Variants in CAPN9 observed in about 807,000 individuals in gnomAD.
CAPN9 encodes calpain 9.
A neutral mutation model predicts 92.8 loss-of-function variants in CAPN9; 81 were observed. The ratio of observed to expected loss-of-function variants is 0.87; its 90% CI spans 0.73 to 1.05. The LOEUF (loss-of-function observed/expected upper bound fraction) is 1.05, where lower values mean the gene tolerates loss of function less well. CAPN9 is among the 50% of genes least tolerant of loss of function. The pLI is 0.00. For synonymous variants in CAPN9, 304 were observed against 328.0 expected, an observed-to-expected ratio of 0.93 and a Z score of 0.79; for missense variants, 848 against 866.2, an observed-to-expected ratio of 0.98 and a Z score of 0.26.
intron 19 of CAPN9, among the ~76,000 whole-genome samples, chr1:230,800,262 GA>G (rs1192363942): frequency 1.6e-5 from 2 of 124,132 alleles, no homozygotes; most frequent in African/African-American, 3.1e-5. Context: ...AAGAAAGAAA[GA>G]AAGAAAGAAA....
intron 17 of CAPN9, 22 bp from the exon 18 acceptor site, chr1:230,795,141 G>A (rs1253977163): frequency 6.6e-7 from 1 of 1,506,652 alleles, no homozygotes; most frequent in East Asian, 2.3e-5. Context: ...CGAGTCCTGG[G>A]TCTCCTCCTT....
At chr1:230,777,109 C>A (rs3790980) in intron 8 of CAPN9, 8,420 of 152,266 alleles carry the variant, frequency 0.055, 274 homozygotes, top group South Asian at 0.13. Flanking sequence ...GGAATTAGTA[C>A]CATCACAGTA....
At chr1:230,772,673 T>C (rs1224920185) in intron 7 of CAPN9, among the ~76,000 whole-genome samples, 1 of 151,098 alleles carries the variant, frequency 6.6e-6, no homozygotes, top group South Asian at 2.1e-4. Context: ...GTATGAGAGA[T>C]TGAGGCTGCA....
intron 17 of CAPN9, among the ~76,000 whole-genome samples, chr1:230,794,130 G>A (rs1010203372): frequency 6.6e-6 from 1 of 152,166 alleles, no homozygotes; most frequent in Non-Finnish European, 1.5e-5. Flanking sequence ...CTCCTAGAAA[G>A]TGAACATGTA....
intron 6 of CAPN9, among the ~76,000 whole-genome samples, chr1:230,770,882 AG>A (rs1421710284): frequency 5.3e-5 from 8 of 152,186 alleles, no homozygotes; most frequent in African/African-American, 1.9e-4. Context: ...AGAACACTGA[AG>A]GGAGACCCTG....
chr1:230,792,292 C>T lies in CAPN9; in HGVS notation c.1723-134C>T, dbSNP rs566395395. 134 of 709,794 alleles carry T rather than the reference C, an allele frequency of 1.9e-4. No homozygotes were observed. In the African/African-American group the frequency reaches 2.3e-3, roughly 12 times the overall value. 44.0% of individuals were successfully genotyped at this position (709,794 alleles called of 1,614,324 possible). A position where few individuals can be genotyped will look rare whatever the true frequency, so the allele number is the denominator to read the frequency against. On this transcript the variant is annotated intron_variant, in intron 15 of 19. Transcript: ENST00000271971. Reference sequence around the variant, plus strand: ...ATTTGTGGTTTAATCATTAAAACCACTTCCCCAGGGCCCCAAACCTGTGCA... The same window carrying T: ...ATTTGTGGTTTAATCATTAAAACCATTTCCCCAGGGCCCCAAACCTGTGCA...
chr1:230,801,802 C>A lies in CAPN9; in HGVS notation c.*206C>A. 1 of 595,852 alleles carries A rather than the reference C, an allele frequency of 1.7e-6. No individual in the cohort carries two copies. The highest frequency in any genetic ancestry group is 3.0e-6 in the Non-Finnish European group (1 of 332,418). The allele number at this position is 595,852 out of a possible 1,614,324, so 36.9% of individuals were successfully genotyped here. A position where few individuals can be genotyped will look rare whatever the true frequency, so the allele number is the denominator to read the frequency against. On this transcript the variant is annotated 3_prime_UTR_variant, in exon 20 of 20. Coordinates refer to ENST00000271971, the MANE Select transcript of CAPN9 (RefSeq NM_006615.3). ...GTGCTACTCCTTTGTAAAGTCACTG[C>A]CTTAAGGGGGCTGATGGCGCCACCT... is the stretch of plus-strand genomic sequence containing the variant.
At chr1:230,795,996 T>C (rs1668327767) in intron 18 of CAPN9, among the ~76,000 whole-genome samples, 1 of 150,058 alleles carries the variant, frequency 6.7e-6, no homozygotes, top group Non-Finnish European at 1.5e-5. Context: ...TAATCTATGT[T>C]CCATAGGCCA....
intron 19 of CAPN9, 87 bp downstream of exon 19, chr1:230,798,307 T>C (rs1367701995): frequency 2.4e-6 from 2 of 844,988 alleles, no homozygotes; most frequent in Non-Finnish European, 4.0e-6. Context: ...AATGCTTGAT[T>C]TCATGCAAGG....
intron 5 of CAPN9, among the ~76,000 whole-genome samples, chr1:230,768,010 T>TAATAAATA (rs71563451): frequency 1.5e-4 from 21 of 139,648 alleles, no homozygotes; most frequent in South Asian, 2.3e-4. Context: ...ACTTAAAGTA[T>TAATAAATA]AATAAATAAA....
chr1:230,786,241 A>G (rs988815307), intron 12 of CAPN9: 1 of 853,968 alleles, frequency 1.2e-6, no homozygotes, highest in Non-Finnish European at 1.4e-6. Flanking sequence ...GGTGCTTGGT[A>G]TAAAGTTCTG....
chr1:230,772,183 G>A, intron 7 of CAPN9, 84 bp downstream of exon 7: 1 of 1,113,716 alleles, frequency 9.0e-7, no homozygotes, highest in Admixed American at 1.7e-5. Context: ...TGAAGGAGTG[G>A]CCTGTCTACT....
At chr1:230,756,659 A>T (rs1011846549) in intron 2 of CAPN9, among the ~76,000 whole-genome samples, 3 of 152,086 alleles carry the variant, frequency 2.0e-5, no homozygotes, top group Admixed American at 6.6e-5. Flanking sequence ...TTCCAGGCTG[A>T]GCGTGATGGC....
rs1668736361 is a variant in CAPN9 at position 230,801,699 on chromosome 1, C to T, written c.*103C>T. 1 of 1,013,134 alleles carries T rather than the reference C, an allele frequency of 9.9e-7. No homozygotes were observed. 62.8% of individuals were successfully genotyped at this position (1,013,134 alleles called of 1,614,324 possible). On this transcript the variant is annotated 3_prime_UTR_variant, in exon 20 of 20. Transcript: ENST00000271971. ...GGAACCATTACGCCCAGGGTTCACT[C>T]CCCTCTCATCGTCCGGCCTTCTCCC... is the stretch of plus-strand genomic sequence containing the variant.
Position 230,780,714 on chromosome 1 carries a change from T to C in CAPN9, c.1481+6T>C. The C allele has an allele frequency of 6.2e-7, 1 of 1,612,174 alleles. No homozygotes were observed. The highest frequency in any genetic ancestry group is 8.5e-7 in the Non-Finnish European group (1 of 1,178,336). On this transcript the variant is annotated splice_donor_region_variant and intron_variant, in intron 11 of 19. Coordinates refer to ENST00000271971, the MANE Select transcript of CAPN9 (RefSeq NM_006615.3). ...GAGAAAAAAGCCATTACCCGGTGAG[T>C]CAGAGGAACAGCTTCCAGAATCCCA...
chr1:230,767,124 G>C lies in CAPN9; in HGVS notation c.537-417G>C, dbSNP rs28359642. Among the ~76,000 whole-genome samples, 1,509 of 152,240 alleles carry C rather than the reference G, an allele frequency of 9.9e-3. 29 individuals are homozygous for C. The highest frequency in any genetic ancestry group is 0.034 in the African/African-American group (1,428 of 41,520). On this transcript the variant is annotated intron_variant, in intron 4 of 19. Coordinates refer to ENST00000271971, the MANE Select transcript of CAPN9 (RefSeq NM_006615.3). ...CTCTCTATCCACATAGCCAGGCCCC[G>C]TTCCATGGGAGGTTAGAGAGTGAGA...
rs200191302 is a variant in CAPN9, at chr1:230,751,609, G to A, written c.214-3728G>A. Among the ~76,000 whole-genome samples the A allele has an allele frequency of 3.8e-3, 122 of 31,806 alleles. 2 individuals carry two copies. The highest frequency in any genetic ancestry group is 0.018 in the East Asian group (33 of 1,832). The allele number at this position is 31,806 out of a possible 152,430, so 20.9% of individuals were successfully genotyped here. On this transcript the variant is annotated intron_variant, in intron 1 of 19. Coordinates refer to ENST00000271971, the MANE Select transcript of CAPN9 (RefSeq NM_006615.3). ...ACAAAGAAAGAAAGAAAGAAAGAAA[G>A]AGAAAGAAAGAAAGAAAGAAAGAAA...
chr1:230,797,545 C>T (rs528765321), intron 18 of CAPN9, among the ~76,000 whole-genome samples: 7 of 152,148 alleles, frequency 4.6e-5, no homozygotes, highest in Non-Finnish European at 7.3e-5. Flanking sequence ...TCCCCCACCC[C>T]GCTTTGGGTT....
At chr1:230,770,015 G>A (rs554695491) in intron 6 of CAPN9, among the ~76,000 whole-genome samples, 20 of 152,172 alleles carry the variant, frequency 1.3e-4, no homozygotes, top group East Asian at 5.8e-4. Context: ...TAGGCTATTC[G>A]GAGTTCAGCT....
Sources: gnomAD v4.1 joint callset for allele counts (sites outside exome capture counted in the v4.1 genomes callset) on GRCh38, gnomAD v4.1.1 for gene constraint, MANE v1.5 for transcripts, NCBI Gene and HGNC (gene_info 2026-07-23, HGNC 2026-07-21) for gene names.